SRFBP1: variants seen among roughly 807,000 people sequenced by gnomAD.
The protein encoded by SRFBP1 is serum response factor binding protein 1.
A neutral mutation model predicts 45.5 loss-of-function variants in SRFBP1; 47 were observed. The observed-to-expected ratio is 1.03, with a 90% CI of 0.82 to 1.32. The LOEUF (loss-of-function observed/expected upper bound fraction) is 1.32, where lower values mean the gene tolerates loss of function less well. SRFBP1 is among the 40% of genes most tolerant of loss of function. SRFBP1 has a pLI of 0.00. For synonymous variants in SRFBP1, 203 were observed against 166.3 expected (o/e 1.22, Z -1.70); for missense variants, 621 against 484.6 (o/e 1.28, Z -2.64).
chr5:122,021,472 T>C (rs1454551018), intron 6 of SRFBP1, among the ~76,000 whole-genome samples: 1 of 152,200 alleles, frequency 6.6e-6, no homozygotes, highest in East Asian at 1.9e-4. Context: ...AAGTCAGGGA[T>C]AGTCTTTAAT....
intron 4 of SRFBP1, among the ~76,000 whole-genome samples, chr5:122,015,991 A>C (rs1255213004): frequency 6.6e-6 from 1 of 152,166 alleles, no homozygotes; most frequent in Admixed American, 6.5e-5. Context: ...GATTAGGTGA[A>C]CATTTATTGA....
chr5:122,009,497 T>C (rs536482559), intron 4 of SRFBP1, among the ~76,000 whole-genome samples: 67 of 152,222 alleles, frequency 4.4e-4, no homozygotes, highest in Non-Finnish European at 8.4e-4. Flanking sequence ...TTTTAAGTTC[T>C]TTTTGAAACT....
chr5:121,994,125 G>A (rs1273044309), intron 3 of SRFBP1, among the ~76,000 whole-genome samples: 2 of 151,962 alleles, frequency 1.3e-5, no homozygotes, highest in Non-Finnish European at 2.9e-5. Flanking sequence ...CTAATAAATA[G>A]TATTTCTATT....
intron 4 of SRFBP1, among the ~76,000 whole-genome samples, chr5:122,001,144 A>G (rs572218604): frequency 1.3e-5 from 2 of 152,114 alleles, no homozygotes; most frequent in South Asian, 2.1e-4. Flanking sequence ...TGATGGGATA[A>G]TTCAAATGTA....
chr5:122,076,278 A>G (rs1244675939), downstream of SRFBP1, among the ~76,000 whole-genome samples: 1 of 152,234 alleles, frequency 6.6e-6, no homozygotes, highest in Non-Finnish European at 1.5e-5. Context: ...TTTACACTTT[A>G]AATTTTTATT....
chr5:121,997,566 AAGAAAACCTAGGCAT>A (rs1226069533), intron 4 of SRFBP1, among the ~76,000 whole-genome samples: 1 of 151,568 alleles, frequency 6.6e-6, no homozygotes, highest in African/African-American at 2.4e-5. Context: ...AAAACCCTAG[AAGAAAACCTAGGCAT>A]TACCATTCAG....
intron 2 of SRFBP1, among the ~76,000 whole-genome samples, chr5:122,057,119 C>T (rs938373035): frequency 6.6e-6 from 1 of 152,138 alleles, no homozygotes; most frequent in Non-Finnish European, 1.5e-5. Context: ...TTCCAGTAAC[C>T]TCTTTGAAAA....
At chr5:122,053,356 C>A (rs992809733) in intron 2 of SRFBP1, among the ~76,000 whole-genome samples, 1 of 152,050 alleles carries the variant, frequency 6.6e-6, no homozygotes, top group Non-Finnish European at 1.5e-5. Flanking sequence ...GACTTCAGAG[C>A]CGGAAGCTTT....
At chr5:121,984,063 G>A (rs534782316) in intron 3 of SRFBP1, among the ~76,000 whole-genome samples, 3 of 151,834 alleles carry the variant, frequency 2.0e-5, no homozygotes, top group African/African-American at 7.2e-5. Context: ...GGTTTTGTCT[G>A]ATAACAAGGC....
chr5:122,048,456 A>G (rs1186355948), intron 2 of SRFBP1, among the ~76,000 whole-genome samples: 1 of 152,176 alleles, frequency 6.6e-6, no homozygotes, highest in African/African-American at 2.4e-5. Flanking sequence ...CCAATATTTT[A>G]TTGAGGATTT....
At chr5:122,032,545 T>G (rs911355045), downstream of SRFBP1, among the ~76,000 whole-genome samples, 1 of 152,228 alleles carries the variant, frequency 6.6e-6, no homozygotes, top group Non-Finnish European at 1.5e-5. Context: ...TTACGTGAAC[T>G]TTGCCTTTTT....
chr5:122,043,203 A>ATTTTC (rs1342415175), intron 2 of SRFBP1, among the ~76,000 whole-genome samples: 2 of 151,340 alleles, frequency 1.3e-5, no homozygotes, highest in African/African-American at 4.9e-5. Context: ...CTGTCTCACT[A>ATTTTC]TTTTCTTTTT....
chr5:122,049,087 A>T (rs943267106), intron 2 of SRFBP1, among the ~76,000 whole-genome samples: 11 of 152,042 alleles, frequency 7.2e-5, no homozygotes, highest in African/African-American at 2.7e-4. Context: ...GTCTTCTGCT[A>T]GCTTTTGAAT....
intron 2 of SRFBP1, among the ~76,000 whole-genome samples, chr5:122,061,095 T>C (rs925965727): frequency 2.0e-5 from 3 of 150,612 alleles, no homozygotes; most frequent in African/African-American, 7.2e-5. Context: ...GGCAATGGTT[T>C]AGCTCATCAG....
intron 2 of SRFBP1, among the ~76,000 whole-genome samples, chr5:122,048,574 A>T (rs1753907162): frequency 6.6e-6 from 1 of 152,150 alleles, no homozygotes; most frequent in South Asian, 2.1e-4. Flanking sequence ...TGAGTTAGGG[A>T]GGATTCCCTC....
At chr5:122,046,356 T>A (rs1278532657) in intron 2 of SRFBP1, among the ~76,000 whole-genome samples, 1 of 152,164 alleles carries the variant, frequency 6.6e-6, no homozygotes, top group Non-Finnish European at 1.5e-5. Flanking sequence ...TTCATCCATG[T>A]CCCTACAAAG....
downstream of SRFBP1, among the ~76,000 whole-genome samples, chr5:122,031,540 G>A (rs778031875): frequency 5.3e-5 from 8 of 152,094 alleles, no homozygotes; most frequent in Non-Finnish European, 5.9e-5. Context: ...TAGAAATTAC[G>A]AAGAAAAGCC....
chr5:121,981,090 T>G (rs1752398526), intron 3 of SRFBP1, among the ~76,000 whole-genome samples: 1 of 152,128 alleles, frequency 6.6e-6, no homozygotes, highest in South Asian at 2.1e-4. Context: ...TACTCTCTAA[T>G]ATCTTCAGAT....
chr5:122,050,488 G>A (rs1318502892), intron 2 of SRFBP1, among the ~76,000 whole-genome samples: 2 of 152,128 alleles, frequency 1.3e-5, no homozygotes, highest in Non-Finnish European at 2.9e-5. Flanking sequence ...ATGTGTCCAG[G>A]AATTTATCCA....
Sources: allele counts gnomAD v4.1 joint callset (sites outside exome capture counted in the v4.1 genomes callset), GRCh38; gene constraint gnomAD v4.1.1; transcripts MANE v1.5; gene names NCBI Gene and HGNC (gene_info 2026-07-23, HGNC 2026-07-21).